Variants in COL14A1 observed in about 807,000 individuals in gnomAD.
COL14A1 encodes the protein collagen alpha-1(XIV) chain.
A neutral mutation model predicts 230.3 loss-of-function variants in COL14A1; 136 were observed. That is an observed-to-expected ratio of 0.59 (90% CI 0.51 to 0.68). The LOEUF is 0.68. Ranked by LOEUF, COL14A1 falls within the 30% of genes least tolerant of loss-of-function variation. COL14A1 has a pLI of 0.00. For synonymous variants in COL14A1, 792 were observed against 784.1 expected (o/e 1.01, Z -0.17); for missense variants, 1,976 against 2,215.8 (o/e 0.89, Z 2.17).
chr8:120,250,111 A>G (rs1818891768), intron 21 of COL14A1, among the ~76,000 whole-genome samples: 1 of 152,202 alleles, frequency 6.6e-6, no homozygotes, highest in East Asian at 1.9e-4. Context: ...ATAAGAGCAT[A>G]ATCTGTCTGG....
chr8:120,165,620 A>G (rs973519505), intron 4 of COL14A1, among the ~76,000 whole-genome samples: 1 of 152,182 alleles, frequency 6.6e-6, no homozygotes, highest in African/African-American at 2.4e-5. Context: ...TTGCCCCTAC[A>G]TGAGGAAGAC....
At chr8:120,148,339 G>T (rs1815166720) in intron 2 of COL14A1, among the ~76,000 whole-genome samples, 1 of 151,680 alleles carries the variant, frequency 6.6e-6, no homozygotes, top group African/African-American at 2.4e-5. Flanking sequence ...CACCATATTG[G>T]CCAGGCTGCT....
At chr8:120,353,913 A>G (rs1275283242) in intron 45 of COL14A1, among the ~76,000 whole-genome samples, 1 of 150,448 alleles carries the variant, frequency 6.6e-6, no homozygotes, top group Non-Finnish European at 1.5e-5. Flanking sequence ...AGGACTATAA[A>G]TCATGCTGCT....
chr8:120,192,972 T>G (rs1816880698), intron 5 of COL14A1, among the ~76,000 whole-genome samples: 1 of 152,222 alleles, frequency 6.6e-6, no homozygotes. Flanking sequence ...AGTTTTTAAC[T>G]TCTTTGCCTT....
intron 1 of COL14A1, among the ~76,000 whole-genome samples, chr8:120,130,632 C>T (rs1383049947): frequency 6.6e-6 from 1 of 152,046 alleles, no homozygotes; most frequent in Non-Finnish European, 1.5e-5. Context: ...GGAAACATCA[C>T]TAACTTGGAG....
chr8:120,231,385 T>C (rs1818261765), intron 18 of COL14A1, 82 bp from the exon 19 acceptor site: 3 of 1,424,902 alleles, frequency 2.1e-6, no homozygotes, highest in Non-Finnish European at 1.9e-6. Flanking sequence ...ATGCTTGCTG[T>C]CACCCCACAG....
At chr8:120,322,753 A>G (rs764722997) in intron 40 of COL14A1, among the ~76,000 whole-genome samples, 94 of 151,794 alleles carry the variant, frequency 6.2e-4, no homozygotes, top group Middle Eastern at 3.4e-3. Flanking sequence ...GCTGCATAGT[A>G]TTCTATGGTG....
At chr8:120,368,957 C>T (rs1563761245) in intron 46 of COL14A1, among the ~76,000 whole-genome samples, 1 of 152,094 alleles carries the variant, frequency 6.6e-6, no homozygotes, top group Non-Finnish European at 1.5e-5. Context: ...ATGTTTGTGT[C>T]TGTGTGTGTG....
chr8:120,166,875 A>AGTGTGTGTGTGTGTGTGTGTGT (rs4053270), intron 4 of COL14A1, among the ~76,000 whole-genome samples: 20 of 117,052 alleles, frequency 1.7e-4, no homozygotes, highest in Admixed American at 3.5e-4. Context: ...AAAGAATTTA[A>AGTGTGTGTGTGTGTGTGTGTGT]GTGTGTGTGT....
intron 25 of COL14A1, chr8:120,267,095 T>A (rs1819522388): frequency 1.9e-6 from 1 of 521,218 alleles, no homozygotes; most frequent in East Asian, 3.4e-5. Flanking sequence ...ACTAACAGAA[T>A]TGCTTAATAC....
chr8:120,141,654 A>G (rs1814915616), intron 1 of COL14A1, among the ~76,000 whole-genome samples: 1 of 152,336 alleles, frequency 6.6e-6, no homozygotes, highest in South Asian at 2.1e-4. Context: ...TGCCAAGACT[A>G]GCATAGCATT....
At chr8:120,275,887 G>T (rs1316334903) in intron 26 of COL14A1, among the ~76,000 whole-genome samples, 1 of 151,956 alleles carries the variant, frequency 6.6e-6, no homozygotes, top group Non-Finnish European at 1.5e-5. Context: ...TGGTGGGCAT[G>T]TAATTTAGTA....
intron 4 of COL14A1, among the ~76,000 whole-genome samples, chr8:120,167,818 T>C (rs1815959243): frequency 6.6e-6 from 1 of 152,232 alleles, no homozygotes; most frequent in South Asian, 2.1e-4. Context: ...TAACTGGTTT[T>C]ATGAGATAGG....
chr8:120,266,959 A>G, intron 25 of COL14A1, 76 bp downstream of exon 25: 1 of 1,242,290 alleles, frequency 8.0e-7, no homozygotes, highest in Non-Finnish European at 1.2e-6. Flanking sequence ...TTCATTTCAA[A>G]CCAGGATATT....
chr8:120,226,615 C>G lies in COL14A1; in HGVS notation c.1865-12C>G, dbSNP rs768506875. On this transcript the variant is annotated splice_polypyrimidine_tract_variant and intron_variant, in intron 15 of 47. Transcript: ENST00000297848. ...TCATTTCCCTAACAAAACCTCCTTCCTCGGTTTACAGAGGAAGTTCCAGCC... is the reference window on the plus strand; with the variant it reads ...TCATTTCCCTAACAAAACCTCCTTCGTCGGTTTACAGAGGAAGTTCCAGCC... 7 of 1,611,610 alleles carry G rather than the reference C, an allele frequency of 4.3e-6. No individual in the cohort carries two copies. In the Admixed American group the frequency reaches 1.2e-4, roughly 27 times the overall value.
chr8:120,204,956 C>T (rs1235488188), intron 9 of COL14A1, among the ~76,000 whole-genome samples: 1 of 152,090 alleles, frequency 6.6e-6, no homozygotes, highest in Non-Finnish European at 1.5e-5. Flanking sequence ...GGATGAATAT[C>T]TCTTCTCTAC....
At chr8:120,289,914 A>G (rs536484740) in intron 34 of COL14A1, 148 bp downstream of exon 34, 13 of 783,072 alleles carry the variant, frequency 1.7e-5, no homozygotes, top group Non-Finnish European at 2.2e-5. Context: ...ATGGATGGAT[A>G]GATGGATGGA....
intron 25 of COL14A1, among the ~76,000 whole-genome samples, chr8:120,268,075 A>G (rs543229419): frequency 6.6e-6 from 1 of 151,950 alleles, no homozygotes; most frequent in South Asian, 2.1e-4. Flanking sequence ...GCAATTAAGA[A>G]CTCTAATAAA....
chr8:120,135,685 T>C (rs1393381070), intron 1 of COL14A1, among the ~76,000 whole-genome samples: 1 of 152,186 alleles, frequency 6.6e-6, no homozygotes. Context: ...GCTTTGAATC[T>C]ATAGATTATC....
Sources: gnomAD v4.1 joint callset for allele counts (sites outside exome capture counted in the v4.1 genomes callset) on GRCh38, gnomAD v4.1.1 for gene constraint, MANE v1.5 for transcripts, NCBI Gene and HGNC (gene_info 2026-07-23, HGNC 2026-07-21) for gene names.